KCNMA1: variants seen among roughly 807,000 people sequenced by gnomAD.
KCNMA1 encodes the protein potassium calcium-activated channel subfamily M alpha 1.
Under a neutral mutation model 140.0 loss-of-function variants are expected in KCNMA1, and 29 were observed. The ratio of observed to expected loss-of-function variants is 0.21; its 90% CI spans 0.15 to 0.28. The LOEUF (loss-of-function observed/expected upper bound fraction) is 0.28, where lower values mean the gene tolerates loss of function less well. Among genes scored for constraint, KCNMA1 ranks in the 10% least tolerant of loss-of-function variants. The pLI is 1.00. For missense variants in KCNMA1, 880 were observed against 1,602.2 expected, an observed-to-expected ratio of 0.55 and a Z score of 7.70; for synonymous variants, 612 against 611.9, an observed-to-expected ratio of 1.00 and a Z score of 0.00.
At chr10:76,922,415 C>A (rs1474380362) in intron 23 of KCNMA1, among the ~76,000 whole-genome samples, 1 of 152,106 alleles carries the variant, frequency 6.6e-6, no homozygotes, top group Admixed American at 6.5e-5. Context: ...AGAAACTCCG[C>A]CCCCACCCTG....
intron 1 of KCNMA1, among the ~76,000 whole-genome samples, chr10:77,520,020 G>T (rs1417584468): frequency 2.1e-5 from 3 of 141,264 alleles, no homozygotes; most frequent in Non-Finnish European, 4.6e-5. Context: ...GTGAGGGCTG[G>T]GGTATGCAGT....
chr10:77,505,138 C>T (rs2045368976), intron 1 of KCNMA1, among the ~76,000 whole-genome samples: 1 of 152,200 alleles, frequency 6.6e-6, no homozygotes. Context: ...GAATCACTAA[C>T]CTGCTGCCCC....
At chr10:77,460,528 C>CGT (rs1566966371) in intron 1 of KCNMA1, among the ~76,000 whole-genome samples, 1 of 149,070 alleles carries the variant, frequency 6.7e-6, no homozygotes, top group East Asian at 2.0e-4. Context: ...GTGGTACACA[C>CGT]GTGCACACAC....
rs1189475300 is a variant in KCNMA1, at chr10:77,311,217, G to C, written c.541-59961C>G. Among the ~76,000 whole-genome samples the C allele has an allele frequency of 4.6e-5, 7 of 152,216 alleles. No individual in the cohort carries two copies. In the South Asian group the frequency reaches 1.4e-3, roughly 32 times the overall value. On this transcript the variant is annotated intron_variant, in intron 2 of 27. Coordinates refer to ENST00000286628, the MANE Select transcript of KCNMA1 (RefSeq NM_001161352.2). Reference sequence around the variant, plus strand: ...ACATTACCAAGCCTGCACAACTCATGTTAGGGGATGTCTGCTGCTCCTCCA... The same window carrying C: ...ACATTACCAAGCCTGCACAACTCATCTTAGGGGATGTCTGCTGCTCCTCCA...
chr10:76,909,551 G>A (rs1330423244), intron 25 of KCNMA1, among the ~76,000 whole-genome samples: 9 of 152,058 alleles, frequency 5.9e-5, no homozygotes. Flanking sequence ...GCCTCACAGG[G>A]TTTCTTTGCC....
intron 1 of KCNMA1, among the ~76,000 whole-genome samples, chr10:77,421,959 A>G (rs2096875486): frequency 6.6e-6 from 1 of 152,232 alleles, no homozygotes; most frequent in Non-Finnish European, 1.5e-5. Context: ...TACAAAAGGG[A>G]CACTTCTCTT....
intron 5 of KCNMA1, among the ~76,000 whole-genome samples, chr10:77,174,379 A>G (rs989518604): frequency 5.3e-5 from 8 of 152,216 alleles, no homozygotes; most frequent in Admixed American, 5.2e-4. Context: ...TGTCCTGGGC[A>G]TACAAAAAGT....
intron 2 of KCNMA1, among the ~76,000 whole-genome samples, chr10:77,262,695 T>G (rs2062355888): frequency 6.6e-6 from 1 of 152,024 alleles, no homozygotes; most frequent in African/African-American, 2.4e-5. Context: ...CTTGTCCCCT[T>G]GCTCCTGCTC....
intron 2 of KCNMA1, among the ~76,000 whole-genome samples, chr10:77,292,519 CTGGG>C: frequency 2.0e-5 from 3 of 152,226 alleles, no homozygotes; most frequent in Non-Finnish European, 4.4e-5. Flanking sequence ...AGTGGAAGCA[CTGGG>C]CAAAGCCCAG....
chr10:76,976,587 A>C (rs1423970276), intron 19 of KCNMA1, among the ~76,000 whole-genome samples: 1 of 152,064 alleles, frequency 6.6e-6, no homozygotes, highest in Non-Finnish European at 1.5e-5. Flanking sequence ...CTCAACCCCA[A>C]TCTCAAACTA....
intron 23 of KCNMA1, among the ~76,000 whole-genome samples, chr10:76,928,226 A>G (rs2058268426): frequency 6.6e-6 from 1 of 152,000 alleles, no homozygotes; most frequent in Non-Finnish European, 1.5e-5. Context: ...GGACTTAAAT[A>G]AGCACCAGAA....
rs148161612 is a variant in KCNMA1, at chr10:77,230,658, C to T, written c.602+20537G>A. Among the ~76,000 whole-genome samples the T allele has an allele frequency of 2.5e-3, 379 of 152,258 alleles. 3 individuals carry two copies. The highest frequency in any genetic ancestry group is 8.7e-3 in the African/African-American group (361 of 41,548). ...ATCAGAGCTTGCACCCAGGCTCACA[C>T]TGGGGCTCTGGAGGAAAAGAAGAAC... On this transcript the variant is annotated intron_variant, in intron 3 of 27. Coordinates refer to ENST00000286628, the MANE Select transcript of KCNMA1 (RefSeq NM_001161352.2).
intron 1 of KCNMA1, among the ~76,000 whole-genome samples, chr10:77,442,467 A>T (rs2097428200): frequency 6.6e-6 from 1 of 152,062 alleles, no homozygotes; most frequent in Non-Finnish European, 1.5e-5. Context: ...CCTGGCATGG[A>T]AGTCAGATGA....
intron 2 of KCNMA1, among the ~76,000 whole-genome samples, chr10:77,398,734 G>T (rs553853772): frequency 6.6e-6 from 1 of 152,298 alleles, no homozygotes; most frequent in East Asian, 1.9e-4. Flanking sequence ...AGCCCACATG[G>T]TCTGCAAGCC....
At chr10:76,982,768 C>G (rs10824479) in intron 19 of KCNMA1, among the ~76,000 whole-genome samples, 127,002 of 152,152 alleles carry the variant, frequency 0.83, 53,192 homozygotes, top group East Asian at 1. Flanking sequence ...TTGCATCTTG[C>G]AAAAGTCTAT....
chr10:77,186,399 A>G (rs1218590055), intron 3 of KCNMA1, among the ~76,000 whole-genome samples: 1 of 152,032 alleles, frequency 6.6e-6, no homozygotes, highest in African/African-American at 2.4e-5. Flanking sequence ...GACAATTGCC[A>G]GGTTTTCACT....
At chr10:77,520,218 TATGCA>T in intron 1 of KCNMA1, among the ~76,000 whole-genome samples, 2 of 150,968 alleles carry the variant, frequency 1.3e-5, no homozygotes, top group Non-Finnish European at 3.0e-5. Context: ...AGGTCTGGGG[TATGCA>T]GTGTGAGGGT....
intron 17 of KCNMA1, among the ~76,000 whole-genome samples, chr10:77,016,324 A>T (rs546740024): frequency 2.6e-4 from 39 of 152,250 alleles, no homozygotes; most frequent in African/African-American, 9.1e-4. Flanking sequence ...ATTATTTTTT[A>T]AAAAACTGTA....
intron 2 of KCNMA1, among the ~76,000 whole-genome samples, chr10:77,301,947 G>A (rs2076630929): frequency 1.3e-5 from 2 of 151,762 alleles, no homozygotes; most frequent in African/African-American, 2.4e-5. Flanking sequence ...GCCAGGTGGA[G>A]TGACCTCTCA....
Sources: gnomAD v4.1 joint callset for allele counts (sites outside exome capture counted in the v4.1 genomes callset) on GRCh38, gnomAD v4.1.1 for gene constraint, MANE v1.5 for transcripts, NCBI Gene and HGNC (gene_info 2026-07-23, HGNC 2026-07-21) for gene names.